PRPF18: variants seen among roughly 807,000 people sequenced by gnomAD.
PRPF18 encodes pre-mRNA-splicing factor 18.
PRPF18 carries 38 observed loss-of-function variants against 46.5 expected under a neutral mutation model. That is an observed-to-expected ratio of 0.82 (90% CI 0.63 to 1.07). PRPF18 has a LOEUF of 1.07. Among genes scored for constraint, PRPF18 ranks in the 50% least tolerant of loss-of-function variants. The pLI, the probability that PRPF18 is intolerant of heterozygous loss-of-function variation, is 0.00. For synonymous variants in PRPF18, 152 were observed against 146.7 expected (o/e 1.04, Z -0.26); for missense variants, 263 against 410.0 (o/e 0.64, Z 3.10).
chr10:13,654,669 T>C, the PRPF18 span: 2 of 606,234 alleles, frequency 3.3e-6, no homozygotes, highest in Non-Finnish European at 5.9e-6. Flanking sequence ...AGCATCCCTA[T>C]GGCATGGTCA....
chr10:13,619,662 G>A (rs2080395788), intron 9 of PRPF18, among the ~76,000 whole-genome samples: 1 of 152,130 alleles, frequency 6.6e-6, no homozygotes, highest in Non-Finnish European at 1.5e-5. Flanking sequence ...ACTAGAAGCT[G>A]CATTTTATTT....
the PRPF18 span, chr10:13,654,753 C>T: frequency 7.4e-6 from 4 of 541,350 alleles, no homozygotes; most frequent in Admixed American, 1.4e-4. Context: ...CACTACCATG[C>T]ACCTTCATTC....
intron 1 of PRPF18, among the ~76,000 whole-genome samples, chr10:13,589,701 A>T (rs1385792885): frequency 6.6e-6 from 1 of 152,228 alleles, no homozygotes; most frequent in Admixed American, 6.5e-5. Flanking sequence ...CGTGCATCAC[A>T]GAATATCTGA....
the PRPF18 span, chr10:13,651,538 C>T: frequency 9.9e-6 from 2 of 201,848 alleles, no homozygotes; most frequent in African/African-American, 2.3e-5. Flanking sequence ...ACTAAAAATA[C>T]AAAAATTAGC....
chr10:13,591,202 T>A (rs2133107770), intron 1 of PRPF18, among the ~76,000 whole-genome samples: 1 of 152,344 alleles, frequency 6.6e-6, no homozygotes, highest in Admixed American at 6.5e-5. Flanking sequence ...AAGACAGTCT[T>A]TAGATCTGCA....
At chr10:13,610,454 A>G (rs894170643) in intron 5 of PRPF18, among the ~76,000 whole-genome samples, 2 of 152,152 alleles carry the variant, frequency 1.3e-5, no homozygotes, top group African/African-American at 4.8e-5. Context: ...GTGTTTTGTG[A>G]GCATGTATTT....
At chr10:13,652,461 A>G in the PRPF18 span, 2 of 164,788 alleles carry the variant, frequency 1.2e-5, no homozygotes, top group Admixed American at 6.0e-5. Context: ...GGATCTTGCA[A>G]TCTGAAGTTT....
chr10:13,648,254 A>G, the PRPF18 span: 3 of 152,268 alleles, frequency 2.0e-5, no homozygotes, highest in African/African-American at 7.2e-5. Flanking sequence ...CTTGATTATG[A>G]CACTGGCCAT....
At chr10:13,595,662 T>C (rs2080024565) in intron 1 of PRPF18, among the ~76,000 whole-genome samples, 1 of 152,148 alleles carries the variant, frequency 6.6e-6, no homozygotes. Context: ...GGGTTAATAC[T>C]ATTTGCCCCC....
intron 1 of PRPF18, 179 bp downstream of exon 1, chr10:13,587,331 C>T (rs1005261083): frequency 1.2e-5 from 8 of 671,438 alleles, no homozygotes; most frequent in South Asian, 1.7e-5. Flanking sequence ...ACTGTTGAGG[C>T]TGGAGAATAG....
chr10:13,597,360 A>G, intron 1 of PRPF18, 98 bp from the exon 2 acceptor site: 1 of 775,112 alleles, frequency 1.3e-6, no homozygotes, highest in South Asian at 2.0e-5. Flanking sequence ...TGAAAAACTG[A>G]AGAGTGTTTC....
intron 3 of PRPF18, 46 bp downstream of exon 3, chr10:13,600,394 G>T: frequency 7.2e-7 from 1 of 1,396,572 alleles, no homozygotes; most frequent in Non-Finnish European, 9.9e-7. Flanking sequence ...TCTCCACGGT[G>T]TTTACATTTA....
At chr10:13,598,231 G>A (rs1375546216) in intron 2 of PRPF18, among the ~76,000 whole-genome samples, 2 of 152,148 alleles carry the variant, frequency 1.3e-5, no homozygotes, top group East Asian at 3.8e-4. Context: ...ATTGGGAGGG[G>A]TTAAAGGGTA....
At chr10:13,615,832 C>T (rs2080331331) in intron 8 of PRPF18, among the ~76,000 whole-genome samples, 1 of 152,084 alleles carries the variant, frequency 6.6e-6, no homozygotes, top group Non-Finnish European at 1.5e-5. Context: ...GCGATCTCAT[C>T]CTTCAGCTAT....
chr10:13,635,071 C>G (rs952260296), downstream of PRPF18, among the ~76,000 whole-genome samples: 1 of 152,100 alleles, frequency 6.6e-6, no homozygotes, highest in African/African-American at 2.4e-5. Flanking sequence ...CCAACAGGCC[C>G]CAGTGTGTGT....
intron 3 of PRPF18, among the ~76,000 whole-genome samples, chr10:13,602,767 G>T (rs574040840): frequency 9.2e-5 from 14 of 152,194 alleles, no homozygotes; most frequent in African/African-American, 2.6e-4. Context: ...AAGTCTCACT[G>T]TGTCTCCCAG....
chr10:13,588,143 G>C (rs570923024), intron 1 of PRPF18, among the ~76,000 whole-genome samples: 1 of 152,258 alleles, frequency 6.6e-6, no homozygotes, highest in South Asian at 2.1e-4. Context: ...GCCGCCGGGC[G>C]CGGTGGCTCA....
chr10:13,623,461 C>G (rs2080450403), intron 9 of PRPF18, among the ~76,000 whole-genome samples: 1 of 152,176 alleles, frequency 6.6e-6, no homozygotes, highest in Admixed American at 6.5e-5. Flanking sequence ...GAAAACGTCA[C>G]TCATCTTGTT....
intron 6 of PRPF18, 63 bp from the exon 7 acceptor site, chr10:13,613,678 G>A (rs2080302409): frequency 6.6e-7 from 1 of 1,511,666 alleles, no homozygotes. Context: ...GTGCTAGAGA[G>A]CATTTAGATG....
Sources: allele counts gnomAD v4.1 joint callset (sites outside exome capture counted in the v4.1 genomes callset), GRCh38; gene constraint gnomAD v4.1.1; transcripts MANE v1.5; gene names NCBI Gene and HGNC (gene_info 2026-07-23, HGNC 2026-07-21).